CREBBP: variants seen among roughly 807,000 people sequenced by gnomAD.
CREBBP encodes CREB binding lysine acetyltransferase.
In CREBBP, 19 loss-of-function variants were observed where a neutral mutation model predicts 265.0. The ratio of observed to expected loss-of-function variants is 0.07; its 90% CI spans 0.05 to 0.11. CREBBP has a LOEUF of 0.11. CREBBP is among the 10% of genes least tolerant of loss of function. CREBBP has a pLI of 1.00. For missense variants in CREBBP, 2,525 were observed against 3,219.0 expected, an observed-to-expected ratio of 0.78 and a Z score of 5.22; for synonymous variants, 1,457 against 1,223.7, an observed-to-expected ratio of 1.19 and a Z score of -3.98.
intron 16 of CREBBP, 96 bp from the exon 17 acceptor site, chr16:3,759,068 C>T: frequency 1.0e-6 from 1 of 962,194 alleles, no homozygotes; most frequent in Non-Finnish European, 1.7e-6. Context: ...TGTGACATCC[C>T]AGCCACGATG....
Position 3,780,802 on chromosome 16 carries a change from TAGA to T in CREBBP, c.1750_1752del (p.Ser585del). The T allele has an allele frequency of 6.2e-7, 1 of 1,613,810 alleles. No homozygotes were observed. The highest frequency in any genetic ancestry group is 1.7e-5 in the Admixed American group (1 of 60,018). The stretch of plus-strand genomic sequence containing the variant: ...TGCCAGCCTTTCCTTACACCGGTGC[TAGA>T]AGGAGGAGCTGCTGTTGGTATAGTG... On this transcript the variant is annotated inframe_deletion, in exon 8 of 31. Transcript: ENST00000262367.
Position 3,867,549 on chromosome 16 carries a change from A to T in CREBBP, c.85+12283T>A, listed in dbSNP as rs78046626. Among the ~76,000 whole-genome samples, 614 of 152,302 alleles carry T rather than the reference A, an allele frequency of 4.0e-3. 9 individuals carry two copies. The highest frequency in any genetic ancestry group is 0.014 in the African/African-American group (591 of 41,552). On this transcript the variant is annotated intron_variant, in intron 1 of 30. Coordinates refer to ENST00000262367, the MANE Select transcript of CREBBP (RefSeq NM_004380.3). The stretch of plus-strand genomic sequence containing the variant: ...ATTTATATAACATAGAGAAAACATT[A>T]AAATTGTTTTGTGTTATTTATCTAA...
chr16:3,850,989 A>G lies in CREBBP; in HGVS notation c.106T>C (p.Leu36=). 6.2e-7 allele frequency: 1 copy of G among 1,614,164 alleles called. No homozygotes were observed. The part of the protein sequence containing the change: ...DSTDFGSLFD[L]ENDLPDELIP... ...AGCTCATCAGGAAGATCATTTTCCA[A>G]GTCAAACAATGATCCAAAATCTAGA... Residue 36 remains leucine (L), a synonymous_variant, in exon 2 of 31, where the codon TTG becomes CTG. Coordinates refer to ENST00000262367, the MANE Select transcript of CREBBP (RefSeq NM_004380.3).
intron 19 of CREBBP, among the ~76,000 whole-genome samples, chr16:3,755,517 CATT>C (rs1434758889): frequency 1.3e-5 from 2 of 152,154 alleles, no homozygotes; most frequent in African/African-American, 4.8e-5. Flanking sequence ...ATTATTTCAT[CATT>C]GAGGACCTGA....
At chr16:3,738,525 C>G (rs1226828854) in intron 26 of CREBBP, 34 bp downstream of exon 26, 1 of 1,271,768 alleles carries the variant, frequency 7.9e-7, no homozygotes, top group African/African-American at 1.5e-5. Flanking sequence ...ATAAAGGGTT[C>G]TTACTAGTTC....
chr16:3,743,532 G>GTTC (rs1268303167), intron 23 of CREBBP: 1 of 152,042 alleles, frequency 6.6e-6, no homozygotes, highest in Non-Finnish European at 1.5e-5. Flanking sequence ...AATGACCCTG[G>GTTC]TTCTATTGGG....
chr16:3,811,518 T>A (rs923135699), intron 2 of CREBBP, among the ~76,000 whole-genome samples: 2 of 152,238 alleles, frequency 1.3e-5, no homozygotes, highest in African/African-American at 4.8e-5. Context: ...AGAGACAGCA[T>A]CTTGCTCTGT....
At chr16:3,733,361 CAA>C (rs373861759) in intron 28 of CREBBP, among the ~76,000 whole-genome samples, 18 of 81,694 alleles carry the variant, frequency 2.2e-4, no homozygotes, top group Admixed American at 4.3e-4. Context: ...GACTCCATCT[CAA>C]AAAAAAAAAA....
intron 11 of CREBBP, 69 bp downstream of exon 11, chr16:3,777,544 A>G (rs2053172491): frequency 6.6e-7 from 1 of 1,514,408 alleles, no homozygotes; most frequent in Non-Finnish European, 9.2e-7. Context: ...GGGGGAGAGG[A>G]AAAAACAGTG....
intron 3 of CREBBP, among the ~76,000 whole-genome samples, chr16:3,796,654 T>A (rs557538442): frequency 6.6e-6 from 1 of 152,330 alleles, no homozygotes. Flanking sequence ...CCCAAAGTGC[T>A]GAGATTACAG....
intron 26 of CREBBP, among the ~76,000 whole-genome samples, chr16:3,737,743 C>T (rs2052102287): frequency 6.6e-6 from 1 of 150,716 alleles, no homozygotes; most frequent in African/African-American, 2.4e-5. Context: ...GGATTACAGA[C>T]TAGGTGAGCC....
At chr16:3,846,702 C>T (rs1379565655) in intron 2 of CREBBP, among the ~76,000 whole-genome samples, 1 of 151,860 alleles carries the variant, frequency 6.6e-6, no homozygotes, top group Non-Finnish European at 1.5e-5. Flanking sequence ...GGGAGGGGAA[C>T]ATCTACACTC....
chr16:3,775,502 C>T (rs905446252), intron 11 of CREBBP, among the ~76,000 whole-genome samples: 2 of 152,164 alleles, frequency 1.3e-5, no homozygotes, highest in African/African-American at 4.8e-5. Flanking sequence ...GAAGGTGCTG[C>T]CTTAGCGCTG....
At chr16:3,799,525 G>A (rs1223965313) in intron 3 of CREBBP, among the ~76,000 whole-genome samples, 2 of 152,172 alleles carry the variant, frequency 1.3e-5, no homozygotes, top group African/African-American at 4.8e-5. Flanking sequence ...AGAAAAACAT[G>A]CATTTCTTTT....
At position 3,767,751 on chromosome 16, in the gene CREBBP, C is replaced by T. The variant is rs2052891462; in HGVS notation, c.3219G>A (p.Gln1073=). The change falls in exon 16 of 31, where the codon CAG becomes CAA. Residue 1073 remains glutamine (Q), a synonymous_variant. Transcript: ENST00000262367. ...TGCGCGGCTGCGAAGGAGATGTTGACTGAGAGGCTGTGCCGTTACTGCTAC... is the reference window on the plus strand; with the variant it reads ...TGCGCGGCTGCGAAGGAGATGTTGATTGAGAGGCTGTGCCGTTACTGCTAC... ...EESSSNGTAS[Q]STSPSQPRKK... is the part of the protein sequence containing the mutation. 1.2e-6 allele frequency: 2 copies of T among 1,614,266 alleles called. No individual in the cohort carries two copies. Among genetic ancestry groups the T allele is most frequent in the Non-Finnish European group, 1.7e-6 (2 of 1,180,046 alleles).
rs916060493 is a variant in CREBBP at position 3,835,649 on chromosome 16, G to A, written c.798+14648C>T. ...GGCTGGAGTGCAGTAGTGGGATCTC[G>A]GGTCACTGCAAGCTCCGCCTCCCAG... is the stretch of plus-strand genomic sequence containing the variant. On this transcript the variant is annotated intron_variant, in intron 2 of 30. Coordinates refer to ENST00000262367, the MANE Select transcript of CREBBP (RefSeq NM_004380.3). 5.5e-5 allele frequency among the ~76,000 whole-genome samples: 8 copies of A among 144,544 alleles called. No individual in the cohort carries two copies. In the South Asian group the frequency reaches 1.1e-3, roughly 20 times the overall value. 94.8% of individuals were successfully genotyped at this position (144,544 alleles called of 152,430 possible).
intron 1 of CREBBP, among the ~76,000 whole-genome samples, chr16:3,864,782 C>T (rs1050159513): frequency 1.3e-5 from 2 of 152,170 alleles, no homozygotes; most frequent in African/African-American, 4.8e-5. Context: ...AAAGAATATC[C>T]GTGGCTGGGC....
At chr16:3,794,389 G>A (rs1166800181) in intron 3 of CREBBP, among the ~76,000 whole-genome samples, 1 of 128,564 alleles carries the variant, frequency 7.8e-6, no homozygotes, top group Non-Finnish European at 1.6e-5. Flanking sequence ...CTGACCAATT[G>A]CAATGTACTA....
At chr16:3,729,992 A>G (rs2051868332) in intron 30 of CREBBP, 118 bp from the exon 31 acceptor site, 6 of 1,511,434 alleles carry the variant, frequency 4.0e-6, no homozygotes, top group Non-Finnish European at 5.3e-6. Flanking sequence ...CAGGCAGGAT[A>G]GGAGACCCAG....
Sources: allele counts gnomAD v4.1 joint callset (sites outside exome capture counted in the v4.1 genomes callset), GRCh38; gene constraint gnomAD v4.1.1; transcripts MANE v1.5; gene names NCBI Gene and HGNC (gene_info 2026-07-23, HGNC 2026-07-21).